The following SLCO3A1 variants were observed in gnomAD, a reference collection of about 807,000 sequenced individuals.
SLCO3A1 encodes the protein solute carrier organic anion transporter family member 3A1, also known as PGE1 transporter.
Under a neutral mutation model 63.1 loss-of-function variants are expected in SLCO3A1, and 27 were observed. The ratio of observed to expected loss-of-function variants is 0.43; its 90% CI spans 0.32 to 0.59. The LOEUF is 0.59. Among genes scored for constraint, SLCO3A1 ranks in the 20% least tolerant of loss-of-function variants. SLCO3A1 has a pLI of 0.09. For synonymous variants in SLCO3A1, 473 were observed against 409.9 expected (o/e 1.15, Z -1.86); for missense variants, 773 against 945.8 (o/e 0.82, Z 2.40).
chr15:91,862,894 T>C lies in SLCO3A1; in HGVS notation c.180+8806T>C, dbSNP rs1460887070. On this transcript the variant is annotated intron_variant, in intron 1 of 9. Transcript: ENST00000318445. The surrounding 1 kb of genome is among the most constrained non-coding windows in gnomAD (Gnocchi z 4.0). ...AATGGCTATTGTCTTTCACCCCCTTTGCAAGAGGCTTATGTAAAATAGGCA... is the reference window on the plus strand; with the variant it reads ...AATGGCTATTGTCTTTCACCCCCTTCGCAAGAGGCTTATGTAAAATAGGCA... Among the ~76,000 whole-genome samples, 1 of 152,214 alleles carries C rather than the reference T, an allele frequency of 6.6e-6. No homozygotes were observed. The highest frequency in any genetic ancestry group is 1.9e-4 in the East Asian group (1 of 5,194).
At chr15:91,945,326 A>G (rs1899766391) in intron 2 of SLCO3A1, among the ~76,000 whole-genome samples, 1 of 136,574 alleles carries the variant, frequency 7.3e-6, no homozygotes, top group Non-Finnish European at 1.5e-5. Context: ...TGGGAGACAG[A>G]GTGAGACTCC....
At chr15:92,144,740 G>A (rs1403489862) in intron 7 of SLCO3A1, among the ~76,000 whole-genome samples, 6 of 152,184 alleles carry the variant, frequency 3.9e-5, no homozygotes, top group Non-Finnish European at 5.9e-5. Context: ...AAGCGAATTC[G>A]GGGGAGATAC....
chr15:91,926,609 G>GCA (rs1337407319), intron 2 of SLCO3A1, among the ~76,000 whole-genome samples: 2 of 150,134 alleles, frequency 1.3e-5, no homozygotes, highest in East Asian at 2.0e-4. Flanking sequence ...GCGCGCGCAC[G>GCA]CCCATGCTTA....
At chr15:92,133,921 G>A (rs1301003542) in intron 7 of SLCO3A1, among the ~76,000 whole-genome samples, 1 of 152,190 alleles carries the variant, frequency 6.6e-6, no homozygotes, top group Non-Finnish European at 1.5e-5. Context: ...AAAAAGGTTG[G>A]GGACCTCTGC....
intron 1 of SLCO3A1, among the ~76,000 whole-genome samples, chr15:91,911,970 CA>C (rs958993147): frequency 8.6e-5 from 13 of 151,102 alleles, no homozygotes; most frequent in African/African-American, 3.1e-4. Flanking sequence ...TTCTGAAATG[CA>C]AGCTGATTTT....
chr15:91,871,765 GTTT>G (rs33938693), intron 1 of SLCO3A1, among the ~76,000 whole-genome samples: 26 of 45,704 alleles, frequency 5.7e-4, no homozygotes, highest in African/African-American at 2.2e-3. Flanking sequence ...TTTTTTTTTG[GTTT>G]TTTTTTTTTT....
At chr15:92,071,568 C>G (rs2047216399) in intron 2 of SLCO3A1, among the ~76,000 whole-genome samples, 1 of 152,204 alleles carries the variant, frequency 6.6e-6, no homozygotes, top group African/African-American at 2.4e-5. Flanking sequence ...TCCGCCAGCA[C>G]TAGATTTTAC....
At chr15:92,073,897 C>T (rs984388781) in intron 2 of SLCO3A1, among the ~76,000 whole-genome samples, 10 of 152,186 alleles carry the variant, frequency 6.6e-5, no homozygotes, top group Admixed American at 5.9e-4. Flanking sequence ...GGTCAGGCAC[C>T]GTGGCTCACG....
chr15:92,058,952 T>G (rs1196654002), intron 2 of SLCO3A1, among the ~76,000 whole-genome samples: 3 of 152,240 alleles, frequency 2.0e-5, no homozygotes, highest in Non-Finnish European at 4.4e-5. Context: ...GTCATTGTAT[T>G]TAGAGCCTAT....
chr15:91,953,821 A>G (rs1900078818), intron 2 of SLCO3A1, among the ~76,000 whole-genome samples: 2 of 152,030 alleles, frequency 1.3e-5, no homozygotes, highest in Non-Finnish European at 2.9e-5. Context: ...GTGCTCCTGT[A>G]TCCGAACACC....
chr15:92,157,876 T>C (rs1169158381), intron 9 of SLCO3A1, among the ~76,000 whole-genome samples: 2 of 152,272 alleles, frequency 1.3e-5, no homozygotes, highest in African/African-American at 2.4e-5. Flanking sequence ...ATCGTGCCCA[T>C]TGTATAAACA....
At chr15:91,932,926 A>G (rs1384632470) in intron 2 of SLCO3A1, among the ~76,000 whole-genome samples, 2 of 152,146 alleles carry the variant, frequency 1.3e-5, no homozygotes, top group East Asian at 3.9e-4. Context: ...TGGTGTTAAC[A>G]GCTATGCTTG....
chr15:92,087,611 C>T (rs1485440557), intron 2 of SLCO3A1, among the ~76,000 whole-genome samples: 1 of 151,394 alleles, frequency 6.6e-6, no homozygotes, highest in Non-Finnish European at 1.5e-5. Flanking sequence ...CTCTGCCTCC[C>T]AGGTTCAAGC....
chr15:91,964,087 C>A (rs2151423588), intron 2 of SLCO3A1, among the ~76,000 whole-genome samples: 1 of 152,270 alleles, frequency 6.6e-6, no homozygotes, highest in Non-Finnish European at 1.5e-5. Flanking sequence ...AAGTCCCCAC[C>A]TGACCCAGAA....
At chr15:92,116,480 C>G (rs1170942754) in intron 4 of SLCO3A1, among the ~76,000 whole-genome samples, 1 of 152,198 alleles carries the variant, frequency 6.6e-6, no homozygotes, top group Non-Finnish European at 1.5e-5. Context: ...TCAAGCCAGC[C>G]TACCTCCCAC....
chr15:91,876,231 T>C (rs78148727), intron 1 of SLCO3A1, among the ~76,000 whole-genome samples: 2,868 of 152,234 alleles, frequency 0.019, 105 homozygotes, highest in African/African-American at 0.066. Context: ...ACCTTCCCAG[T>C]TGGGAAAGTT....
At chr15:91,866,978 G>T (rs938480860) in intron 1 of SLCO3A1, among the ~76,000 whole-genome samples, 3 of 152,206 alleles carry the variant, frequency 2.0e-5, no homozygotes, top group African/African-American at 7.2e-5. Context: ...AAGTGGAACC[G>T]TTGGTGAGAG....
At chr15:91,966,100 G>A (rs1038821924) in intron 2 of SLCO3A1, among the ~76,000 whole-genome samples, 2 of 152,156 alleles carry the variant, frequency 1.3e-5, no homozygotes, top group African/African-American at 2.4e-5. Context: ...TGTGCCCAGC[G>A]AATTATGGGC....
In SLCO3A1 at chr15:91,853,938, G is replaced by C. The variant is rs1402934228; in HGVS notation, c.30G>C (p.Ser10=). 1.2e-5 allele frequency: 17 copies of C among 1,460,620 alleles called. No homozygotes were observed. The highest frequency in any genetic ancestry group is 1.5e-5 in the Non-Finnish European group (17 of 1,099,056). The allele number at this position is 1,460,620 out of a possible 1,614,324, so 90.5% of individuals were successfully genotyped here. The change falls in exon 1 of 10, where the codon TCG becomes TCC. Residue 10 remains serine, a synonymous_variant. Coordinates refer to ENST00000318445, the MANE Select transcript of SLCO3A1 (RefSeq NM_013272.4). The part of the protein sequence containing the change: MQGKKPGGS[S]GGGRSGELQG... ...AGGGGAAGAAGCCGGGCGGTTCGTC[G>C]GGCGGCGGCCGGAGCGGCGAGCTGC...
Sources: gnomAD v4.1 joint callset for allele counts (sites outside exome capture counted in the v4.1 genomes callset) on GRCh38, gnomAD v4.1.1 for gene constraint, Gnocchi (gnomAD v3.1) non-coding constraint, MANE v1.5 for transcripts, NCBI Gene and HGNC (gene_info 2026-07-23, HGNC 2026-07-21) for gene names.